ABCG8: variants seen among roughly 807,000 people sequenced by gnomAD.
The protein encoded by ABCG8 is ATP-binding cassette sub-family G member 8.
Under a neutral mutation model 71.3 loss-of-function variants are expected in ABCG8, and 81 were observed. That is an observed-to-expected ratio of 1.14 (90% CI 0.95 to 1.37). The LOEUF is 1.37. Ranked by LOEUF, ABCG8 falls within the 40% of genes most tolerant of loss-of-function variation. ABCG8 has a pLI of 0.00. For synonymous variants in ABCG8, 451 were observed against 354.7 expected, an observed-to-expected ratio of 1.27 and a Z score of -3.05; for missense variants, 1,119 against 866.2, an observed-to-expected ratio of 1.29 and a Z score of -3.66.
chr2:43,852,642 C>T lies in ABCG8; in HGVS notation c.738C>T (p.Phe246=), dbSNP rs370738450. Residue 246 remains phenylalanine, a synonymous_variant, in exon 6 of 13, where the codon TTC becomes TTT. Coordinates refer to ENST00000272286, the MANE Select transcript of ABCG8 (RefSeq NM_022437.3). The part of the protein sequence containing the change: ...LDEPTSGLDS[F]TAHNLVKTLS... The stretch of plus-strand genomic sequence containing the variant: ...AACCCACCTCTGGGCTCGACAGCTT[C>T]ACAGCCCACAACCTGGTGAAGACCT... The T allele has an allele frequency of 1.2e-5, 19 of 1,614,070 alleles. No homozygotes were observed. Among genetic ancestry groups the T allele is most frequent in the African/African-American group, 9.3e-5 (7 of 74,942 alleles).
At chr2:43,849,393 G>A (rs959532469) in intron 3 of ABCG8, among the ~76,000 whole-genome samples, 1 of 152,056 alleles carries the variant, frequency 6.6e-6, no homozygotes, top group Admixed American at 6.6e-5. Flanking sequence ...AATGAGGGGA[G>A]GAACTGCCAA....
intron 1 of ABCG8, among the ~76,000 whole-genome samples, chr2:43,840,642 C>G (rs1041014748): frequency 1.6e-4 from 24 of 152,316 alleles, no homozygotes; most frequent in African/African-American, 3.6e-4. Flanking sequence ...TTTCTATCCT[C>G]TTATCTTGAC....
chr2:43,855,742 A>G (rs888677102), intron 6 of ABCG8, among the ~76,000 whole-genome samples: 2 of 152,070 alleles, frequency 1.3e-5, no homozygotes, highest in African/African-American at 2.4e-5. Context: ...CACTCTCTGG[A>G]TAGAACTCTC....
chr2:43,859,963 CTCTCACTATCAATGTGGATAGAAT>C (rs1669248384), intron 6 of ABCG8, among the ~76,000 whole-genome samples: 1 of 151,290 alleles, frequency 6.6e-6, no homozygotes, highest in African/African-American at 2.4e-5. Context: ...CTGGATAGAA[CTCTCACTATCAATGTGGATAGAAT>C]TCTCACCCTC....
chr2:43,860,858 C>A (rs1440536127), intron 6 of ABCG8, among the ~76,000 whole-genome samples: 1 of 151,282 alleles, frequency 6.6e-6, no homozygotes, highest in South Asian at 2.1e-4. Context: ...AGAACTCTAA[C>A]AATCTGGATA....
rs747555833 is a variant in ABCG8 at position 43,852,371 on chromosome 2, G to A, written c.579G>A (p.Ala193=). The A allele has an allele frequency of 6.2e-6, 10 of 1,612,156 alleles. No individual in the cohort carries two copies. The highest frequency in any genetic ancestry group is 2.7e-5 in the African/African-American group (2 of 74,882). Reference sequence around the variant, plus strand: ...GCCCACAGGTGGAGGACGTGATCGCGGAGCTGCGGCTTAGGCAGTGCGCTG... The same window carrying A: ...GCCCACAGGTGGAGGACGTGATCGCAGAGCTGCGGCTTAGGCAGTGCGCTG... ...QRDKRVEDVI[A]ELRLRQCADT... is the part of the protein sequence containing the mutation. The change falls in exon 5 of 13, where the codon GCG becomes GCA. Residue 193 remains alanine (A), a synonymous_variant. Coordinates refer to ENST00000272286, the MANE Select transcript of ABCG8 (RefSeq NM_022437.3).
At chr2:43,859,927 A>C (rs1669246888) in intron 6 of ABCG8, among the ~76,000 whole-genome samples, 1 of 150,320 alleles carries the variant, frequency 6.7e-6, no homozygotes, top group Non-Finnish European at 1.5e-5. Flanking sequence ...ATCTCTCATT[A>C]TCTGTCTGGA....
intron 3 of ABCG8, among the ~76,000 whole-genome samples, chr2:43,851,056 T>G (rs1558807118): frequency 6.6e-6 from 1 of 152,274 alleles, no homozygotes; most frequent in Non-Finnish European, 1.5e-5. Context: ...TTCTCCATTA[T>G]TTCTCAAAAT....
intron 11 of ABCG8, 106 bp from the exon 12 acceptor site, chr2:43,877,455 A>G (rs1669994532): frequency 3.9e-6 from 6 of 1,557,934 alleles, no homozygotes; most frequent in Non-Finnish European, 5.3e-6. Context: ...TGGGCAGACC[A>G]TGGGAATATG....
At chr2:43,868,386 C>G (rs1669611152) in intron 6 of ABCG8, among the ~76,000 whole-genome samples, 1 of 152,098 alleles carries the variant, frequency 6.6e-6, no homozygotes, top group South Asian at 2.1e-4. Context: ...AGAATTCTTA[C>G]TCTCTGGATA....
At chr2:43,864,004 G>T (rs889609599) in intron 6 of ABCG8, among the ~76,000 whole-genome samples, 5 of 149,916 alleles carry the variant, frequency 3.3e-5, no homozygotes, top group Admixed American at 6.6e-5. Flanking sequence ...CTCACTCTCT[G>T]GGTAGAACTC....
chr2:43,877,453 C>G (rs1262757426), intron 11 of ABCG8, 108 bp from the exon 12 acceptor site: 2 of 1,556,888 alleles, frequency 1.3e-6, no homozygotes, highest in Non-Finnish European at 1.8e-6. Flanking sequence ...TATGGGCAGA[C>G]CATGGGAATA....
intron 6 of ABCG8, among the ~76,000 whole-genome samples, chr2:43,855,425 T>C (rs1329776144): frequency 6.6e-6 from 1 of 151,734 alleles, no homozygotes; most frequent in Non-Finnish European, 1.5e-5. Flanking sequence ...TCACTATCTA[T>C]CTGGATGGAA....
rs1324095677 is a variant in ABCG8 at position 43,879,966 on chromosome 2, T to C, written c.*2053T>C. The C allele has an allele frequency of 1.3e-5, 2 of 152,028 alleles. No homozygotes were observed. The highest frequency in any genetic ancestry group is 6.5e-5 in the Admixed American group (1 of 15,282). The allele number at this position is 152,028 out of a possible 1,614,324, so 9.4% of individuals were successfully genotyped here. On this transcript the variant is annotated 3_prime_UTR_variant, in exon 13 of 13. Coordinates refer to ENST00000272286, the MANE Select transcript of ABCG8 (RefSeq NM_022437.3). ...AACTATGTAAATTGTAAACTTTCCA[T>C]TTATGCATTTTAAAATTTTGATTGA...
chr2:43,851,716 G>T lies in ABCG8; in HGVS notation c.455G>T (p.Arg152Leu), dbSNP rs763680928. Residue 152 changes from arginine to leucine, a missense_variant, in exon 4 of 13, where the codon CGC (arginine) becomes CTC (leucine). Arg to Leu is a moderately radical substitution (Grantham distance 102). Coordinates refer to ENST00000272286, the MANE Select transcript of ABCG8 (RefSeq NM_022437.3). Reference sequence around the variant, plus strand: ...GTGAGGAAGTGTGTGGCCCACGTGCGCCAGCACAACCAGCTGCTCCCCAAC... The same window carrying T: ...GTGAGGAAGTGTGTGGCCCACGTGCTCCAGCACAACCAGCTGCTCCCCAAC... ...QLVRKCVAHV[R>L]QHNQLLPNLT... The T allele has an allele frequency of 6.2e-7, 1 of 1,614,224 alleles. No homozygotes were observed. The highest frequency in any genetic ancestry group is 8.5e-7 in the Non-Finnish European group (1 of 1,180,036).
At chr2:43,840,656 T>C (rs901783787) in intron 1 of ABCG8, among the ~76,000 whole-genome samples, 1 of 152,212 alleles carries the variant, frequency 6.6e-6, no homozygotes, top group Non-Finnish European at 1.5e-5. Flanking sequence ...TCTTGACATA[T>C]CTTCCTCACA....
Position 43,880,245 on chromosome 2 carries a change from C to G in ABCG8, c.*2332C>G, listed in dbSNP as rs1358793150. On this transcript the variant is annotated 3_prime_UTR_variant, in exon 13 of 13. Coordinates refer to ENST00000272286, the MANE Select transcript of ABCG8 (RefSeq NM_022437.3). ...CTGGAGTGCAATGGCGCGATCTCGG[C>G]TCACTGCAACCTCTGCCTCCCAGGT... The G allele has an allele frequency of 6.7e-6, 1 of 148,570 alleles. No individual in the cohort carries two copies. The highest frequency in any genetic ancestry group is 2.0e-4 in the East Asian group (1 of 4,930). 9.2% of individuals were successfully genotyped at this position (148,570 alleles called of 1,614,324 possible). A position where few individuals can be genotyped will look rare whatever the true frequency, so the allele number is the denominator to read the frequency against.
At chr2:43,874,795 A>T (rs558767129) in intron 10 of ABCG8, among the ~76,000 whole-genome samples, 45 of 152,270 alleles carry the variant, frequency 3.0e-4, no homozygotes, top group Non-Finnish European at 5.4e-4. Context: ...CAGGCCAGGC[A>T]GGTGTTTCCA....
intron 6 of ABCG8, among the ~76,000 whole-genome samples, chr2:43,870,653 C>T (rs1472614996): frequency 6.6e-6 from 1 of 152,004 alleles, no homozygotes; most frequent in Non-Finnish European, 1.5e-5. Context: ...AGAATTCTCA[C>T]CATCTGCATA....
Sources: gnomAD v4.1 joint callset for allele counts (sites outside exome capture counted in the v4.1 genomes callset) on GRCh38, gnomAD v4.1.1 for gene constraint, MANE v1.5 for transcripts, NCBI Gene and HGNC (gene_info 2026-07-23, HGNC 2026-07-21) for gene names.